LAMB4: variants seen among roughly 807,000 people sequenced by gnomAD.
The protein encoded by LAMB4 is laminin subunit beta-4.
In LAMB4, 196 loss-of-function variants were observed where a neutral mutation model predicts 199.2. That is an observed-to-expected ratio of 0.98 (90% CI 0.88 to 1.11). The LOEUF (loss-of-function observed/expected upper bound fraction) is 1.11, where lower values mean the gene tolerates loss of function less well. Among genes scored for constraint, LAMB4 ranks in the 50% least tolerant of loss-of-function variants. The probability of loss-of-function intolerance (pLI) is 0.00; values close to 1 mark genes in which losing one functional copy is unlikely to be tolerated. For synonymous variants in LAMB4, 744 were observed against 770.6 expected (o/e 0.97, Z 0.57); for missense variants, 2,080 against 2,171.2 (o/e 0.96, Z 0.83).
chr7:108,055,439 A>G (rs928198390), intron 25 of LAMB4, among the ~76,000 whole-genome samples, 193 bp downstream of exon 25: 2 of 152,090 alleles, frequency 1.3e-5, no homozygotes, highest in African/African-American at 4.8e-5. Context: ...CACCCGCCTC[A>G]ACCTCCCAAA....
the LAMB4 span, among the ~76,000 whole-genome samples, chr7:108,014,941 C>T: frequency 1.4e-4 from 21 of 152,122 alleles, no homozygotes; most frequent in African/African-American, 4.8e-4. Flanking sequence ...AGGCTGGTCT[C>T]GAACTCCTGA....
At chr7:108,107,068 G>A (rs1458240499) in intron 6 of LAMB4, among the ~76,000 whole-genome samples, 2 of 152,206 alleles carry the variant, frequency 1.3e-5, no homozygotes, top group African/African-American at 2.4e-5. Flanking sequence ...GTCAAAAAGA[G>A]TGCTTATGCT....
At chr7:108,092,796 C>T (rs913414544) in intron 12 of LAMB4, among the ~76,000 whole-genome samples, 3 of 151,966 alleles carry the variant, frequency 2.0e-5, no homozygotes, top group Admixed American at 6.6e-5. Flanking sequence ...CCCAGCTACT[C>T]GGGAGGCTGA....
intron 23 of LAMB4, among the ~76,000 whole-genome samples, chr7:108,061,321 A>T (rs1296785288): frequency 6.6e-6 from 1 of 152,244 alleles, no homozygotes; most frequent in Non-Finnish European, 1.5e-5. Flanking sequence ...GCATAGTGAC[A>T]AATGTTATTA....
At chr7:108,101,926 A>G (rs1033107013) in intron 10 of LAMB4, among the ~76,000 whole-genome samples, 1 of 152,238 alleles carries the variant, frequency 6.6e-6, no homozygotes. Context: ...GATAAAACAA[A>G]GATAGCAAAA....
intron 26 of LAMB4, among the ~76,000 whole-genome samples, chr7:108,051,334 A>C (rs2035821780): frequency 1.3e-5 from 2 of 152,152 alleles, no homozygotes; most frequent in Admixed American, 1.3e-4. Context: ...CAGATAAAAC[A>C]CAGGAGTATA....
chr7:108,125,197 C>G (rs1019314169), intron 1 of LAMB4, among the ~76,000 whole-genome samples: 1 of 152,108 alleles, frequency 6.6e-6, no homozygotes, highest in Non-Finnish European at 1.5e-5. Context: ...ATAGGAAGGT[C>G]CATTCTGTAT....
At chr7:108,015,330 G>A in the LAMB4 span, among the ~76,000 whole-genome samples, 4,976 of 152,256 alleles carry the variant, frequency 0.033, 124 homozygotes, top group Non-Finnish European at 0.049. Context: ...CCCATGGTAC[G>A]AATCTTAGGA....
At chr7:108,038,951 C>G (rs1046890711) in intron 29 of LAMB4, among the ~76,000 whole-genome samples, 1 of 152,026 alleles carries the variant, frequency 6.6e-6, no homozygotes, top group African/African-American at 2.4e-5. Flanking sequence ...CAGAAGTGAT[C>G]AATATAAGGC....
At chr7:108,053,672 G>C (rs903451665) in intron 25 of LAMB4, among the ~76,000 whole-genome samples, 4 of 152,216 alleles carry the variant, frequency 2.6e-5, no homozygotes, top group Non-Finnish European at 5.9e-5. Context: ...CCTCACTCCA[G>C]ACCTGGGCTG....
intron 8 of LAMB4, among the ~76,000 whole-genome samples, 193 bp downstream of exon 8, chr7:108,105,624 C>T (rs974233561): frequency 2.0e-5 from 3 of 152,122 alleles, no homozygotes; most frequent in Non-Finnish European, 4.4e-5. Context: ...CTGCAGAATC[C>T]ACAAGCACTT....
chr7:108,065,620 C>T (rs2150553110), intron 21 of LAMB4, 142 bp downstream of exon 21: 2 of 540,632 alleles, frequency 3.7e-6, no homozygotes, highest in South Asian at 8.4e-5. Context: ...TTCAATAAAG[C>T]AGCTATTTAT....
rs780273843 is a variant in LAMB4, at chr7:108,043,724, C to T, written c.4471+28G>A. ...CATTAAAAAGGGAAAAAAACAAAAA[C>T]TAGTCCTAATATATATTTTTAAATT... On this transcript the variant is annotated intron_variant, in intron 29 of 33. Coordinates refer to ENST00000388781, the MANE Select transcript of LAMB4 (RefSeq NM_007356.3). 4.1e-6 allele frequency: 6 copies of T among 1,453,222 alleles called. 1 individual carries two copies. In the South Asian group the frequency reaches 5.0e-5, roughly 12 times the overall value. 90.0% of individuals were successfully genotyped at this position (1,453,222 alleles called of 1,614,324 possible).
At chr7:108,064,069 T>G in intron 21 of LAMB4, 84 bp from the exon 22 acceptor site, 2 of 958,044 alleles carry the variant, frequency 2.1e-6, no homozygotes, top group Admixed American at 3.6e-5. Flanking sequence ...AATAGAAAAT[T>G]ATTGGGCTCC....
chr7:108,123,255 C>T, intron 1 of LAMB4, 58 bp from the exon 2 acceptor site: 1 of 1,081,536 alleles, frequency 9.2e-7, no homozygotes, highest in Non-Finnish European at 1.4e-6. Flanking sequence ...GCCATCATCA[C>T]ATGTTATGTA....
At chr7:108,111,088 TC>T (rs897213649) in intron 4 of LAMB4, among the ~76,000 whole-genome samples, 3 of 152,150 alleles carry the variant, frequency 2.0e-5, no homozygotes, top group African/African-American at 7.2e-5. Flanking sequence ...ACTGAAGAGT[TC>T]CAGACTAGTG....
At chr7:108,044,338 T>C (rs1360035901) in intron 28 of LAMB4, 2 of 153,098 alleles carry the variant, frequency 1.3e-5, no homozygotes, top group African/African-American at 2.4e-5. Context: ...TCAAGTAATG[T>C]ACTTTCTTTG....
intron 3 of LAMB4, among the ~76,000 whole-genome samples, chr7:108,112,800 C>T (rs925352926): frequency 6.6e-5 from 10 of 152,302 alleles, no homozygotes; most frequent in Non-Finnish European, 1.3e-4. Flanking sequence ...GAAGCGGGGG[C>T]TGATCATTAT....
At chr7:108,051,349 T>C (rs778091124) in intron 26 of LAMB4, among the ~76,000 whole-genome samples, 11 of 152,278 alleles carry the variant, frequency 7.2e-5, no homozygotes, top group African/African-American at 2.4e-4. Context: ...AGTATATACA[T>C]AGGACAATGA....
Sources: gnomAD v4.1 joint callset for allele counts (sites outside exome capture counted in the v4.1 genomes callset) on GRCh38, gnomAD v4.1.1 for gene constraint, MANE v1.5 for transcripts, NCBI Gene and HGNC (gene_info 2026-07-23, HGNC 2026-07-21) for gene names.